LYN: variants seen among roughly 807,000 people sequenced by gnomAD.
LYN encodes LYN proto-oncogene, Src family tyrosine kinase.
Under a neutral mutation model 65.0 loss-of-function variants are expected in LYN, and 12 were observed. The observed-to-expected ratio is 0.18, with a 90% confidence interval of 0.12 to 0.30. The LOEUF (loss-of-function observed/expected upper bound fraction) is 0.30, where lower values mean the gene tolerates loss of function less well. Ranked by LOEUF, LYN falls within the 10% of genes least tolerant of loss-of-function variation. The pLI, the probability that LYN is intolerant of heterozygous loss-of-function variation, is 1.00. For missense variants in LYN, 380 were observed against 623.2 expected (o/e 0.61, Z 4.16); for synonymous variants, 222 against 221.2 (o/e 1.00, Z -0.03).
chr8:55,910,719 A>G (rs1213795695), intron 1 of LYN, among the ~76,000 whole-genome samples: 1 of 151,906 alleles, frequency 6.6e-6, no homozygotes, highest in Non-Finnish European at 1.5e-5. Flanking sequence ...AATTTTATGT[A>G]TTTTCTTCCC....
At chr8:55,951,274 G>C (rs372722695) in intron 6 of LYN, among the ~76,000 whole-genome samples, 6 of 151,894 alleles carry the variant, frequency 4.0e-5, no homozygotes, top group Non-Finnish European at 8.8e-5. Context: ...GAAAAGAAAA[G>C]TACTGTAGAA....
rs141926209 is a variant in LYN, at chr8:55,891,485, A to G, written c.-6+11382A>G. ...TCCACTAATGTGAGGTTCCTCAAAT[A>G]GTCAAATTCATAGAGACAGAAAATA... On this transcript the variant is annotated intron_variant, in intron 1 of 12. Transcript: ENST00000519728. Among the ~76,000 whole-genome samples, 575 of 152,332 alleles carry G rather than the reference A, an allele frequency of 3.8e-3. 3 individuals are homozygous for G. Among genetic ancestry groups the G allele is most frequent in the African/African-American group, 0.013 (533 of 41,580 alleles).
At chr8:55,899,798 C>T (rs1176234794) in intron 1 of LYN, among the ~76,000 whole-genome samples, 3 of 152,152 alleles carry the variant, frequency 2.0e-5, no homozygotes, top group Admixed American at 6.6e-5. Context: ...TGCAGGCACA[C>T]GCCACCATGC....
At chr8:55,886,631 G>T (rs1177538671) in intron 1 of LYN, among the ~76,000 whole-genome samples, 1 of 152,174 alleles carries the variant, frequency 6.6e-6, no homozygotes, top group Non-Finnish European at 1.5e-5. Context: ...AAACAAAATA[G>T]AAAAAGGAAA....
In LYN at chr8:55,950,384, A is replaced by C. The variant is rs1335339842; in HGVS notation, c.285-75A>C. 6.6e-6 allele frequency: 6 copies of C among 906,192 alleles called. No individual in the cohort carries two copies. In the African/African-American group the frequency reaches 6.7e-5, roughly 10 times the overall value. 56.1% of individuals were successfully genotyped at this position (906,192 alleles called of 1,614,324 possible). A position where few individuals can be genotyped will look rare whatever the true frequency, so the allele number is the denominator to read the frequency against. ...CTGTACATAAATACATATTTATGGGATATCTGTGATATTTTGATACATGCA... is the reference window on the plus strand; with the variant it reads ...CTGTACATAAATACATATTTATGGGCTATCTGTGATATTTTGATACATGCA... On this transcript the variant is annotated intron_variant, in intron 4 of 12. Coordinates refer to ENST00000519728, the MANE Select transcript of LYN (RefSeq NM_002350.4).
rs1436240812 is a variant in LYN at position 55,907,913 on chromosome 8, A to T, written c.-6+27810A>T. ...AATAAATAAATAAATACAAATTTTT[A>T]AAAATGTATATCTAAATAAGAGACA... On this transcript the variant is annotated intron_variant, in intron 1 of 12. Transcript: ENST00000519728. Among the ~76,000 whole-genome samples the T allele has an allele frequency of 2.6e-5, 4 of 152,138 alleles. No individual in the cohort carries two copies. In the South Asian group the frequency reaches 6.2e-4, roughly 24 times the overall value.
rs543231166 is a variant in LYN at position 55,887,659 on chromosome 8, G to T, written c.-6+7556G>T. On this transcript the variant is annotated intron_variant, in intron 1 of 12. Coordinates refer to ENST00000519728, the MANE Select transcript of LYN (RefSeq NM_002350.4). ...GAGTCTTGCTCTGTCACCCAGGCTG[G>T]ACTGTGATGGTGTGATCTCGGCTCA... is the stretch of plus-strand genomic sequence containing the variant. Among the ~76,000 whole-genome samples, 60 of 150,402 alleles carry T rather than the reference G, an allele frequency of 4.0e-4. 1 individual carries two copies. Among genetic ancestry groups the T allele is most frequent in the African/African-American group, 1.3e-3 (54 of 40,790 alleles).
intron 9 of LYN, among the ~76,000 whole-genome samples, chr8:55,967,266 C>T (rs1420389262): frequency 6.7e-6 from 1 of 148,780 alleles, no homozygotes; most frequent in Non-Finnish European, 1.5e-5. Flanking sequence ...TCTAATACTA[C>T]AGATTTAGTA....
intron 1 of LYN, among the ~76,000 whole-genome samples, chr8:55,889,487 C>T (rs1337391722): frequency 6.6e-6 from 1 of 152,144 alleles, no homozygotes; most frequent in Non-Finnish European, 1.5e-5. Context: ...GGATTACAGG[C>T]GTGAGCCACC....
chr8:55,941,928 A>G lies in LYN; in HGVS notation c.69A>G (p.Pro23=). 1 of 1,612,720 alleles carries G rather than the reference A, an allele frequency of 6.2e-7. No individual in the cohort carries two copies. The highest frequency in any genetic ancestry group is 8.5e-7 in the Non-Finnish European group (1 of 1,178,862). The part of the protein sequence containing the change: ...SDDGVDLKTQ[P]VRNTERTIYV... ...ATGGAGTAGATTTGAAGACTCAACC[A>G]GTACGTAATACTGAAAGAACTATTT... The change falls in exon 2 of 13, where the codon CCA becomes CCG. Residue 23 remains proline (P), a synonymous_variant. Transcript: ENST00000519728.
intron 1 of LYN, among the ~76,000 whole-genome samples, chr8:55,923,527 T>G (rs1486122922): frequency 6.6e-6 from 1 of 152,106 alleles, no homozygotes; most frequent in Non-Finnish European, 1.5e-5. Flanking sequence ...TTTCAGTTAG[T>G]GAATATTTAG....
chr8:55,916,710 T>G (rs1028673523), intron 1 of LYN, among the ~76,000 whole-genome samples: 1 of 152,200 alleles, frequency 6.6e-6, no homozygotes, highest in Non-Finnish European at 1.5e-5. Context: ...ACTGGAAATG[T>G]GTGTGGCAAT....
In LYN at chr8:55,950,542, C is replaced by T. The variant is rs1472321274; in HGVS notation, c.368C>T (p.Thr123Ile). The stretch of plus-strand genomic sequence containing the variant: ...AGCAACTATGTGGCCAAACTCAACA[C>T]CTTAGAAACAGAAGAGTGAGTCCTC... ...IPSNYVAKLNTLETEEWFFKD... is the reference protein window; with the variant it reads ...IPSNYVAKLNILETEEWFFKD... Residue 123 changes from threonine (T) to isoleucine (I), a missense_variant, in exon 5 of 13, where the codon ACC (threonine) becomes ATC (isoleucine). Physicochemically the swap from Thr to Ile is moderately conservative, Grantham distance 89. Around this residue, in one of 2 missense-constraint regions of LYN, gnomAD observed 157 missense variants for 193.2 expected, o/e 0.81. Transcript: ENST00000519728. 1 of 1,613,650 alleles carries T rather than the reference C, an allele frequency of 6.2e-7. No homozygotes were observed. The highest frequency in any genetic ancestry group is 1.1e-5 in the South Asian group (1 of 90,928).
At chr8:55,998,555 G>A in intron 11 of LYN, 56 bp downstream of exon 11, 1 of 1,550,278 alleles carries the variant, frequency 6.5e-7, no homozygotes, top group Non-Finnish European at 8.9e-7. Context: ...TTTTGTTTTT[G>A]TCTGTTTTTG....
At position 55,951,954 on chromosome 8, in the gene LYN, T is replaced by A; in HGVS notation, c.488-12T>A. 2 of 1,608,296 alleles carry A rather than the reference T, an allele frequency of 1.2e-6. No homozygotes were observed. The highest frequency in any genetic ancestry group is 1.7e-6 in the Non-Finnish European group (2 of 1,178,060). On this transcript the variant is annotated splice_polypyrimidine_tract_variant and intron_variant, in intron 6 of 12. Transcript: ENST00000519728. Reference sequence around the variant, plus strand: ...GAGATATAAACATTTACTTACACTTTTCCCCCCATAGGAAGCTTCTCTCTG... The same window carrying A: ...GAGATATAAACATTTACTTACACTTATCCCCCCATAGGAAGCTTCTCTCTG...
chr8:55,942,108 C>T (rs1325132330), intron 2 of LYN, 117 bp downstream of exon 2: 15 of 1,056,554 alleles, frequency 1.4e-5, no homozygotes, highest in East Asian at 2.7e-5. Flanking sequence ...ACTTGGTCCT[C>T]AAATAATTTT....
chr8:55,938,685 T>A lies in LYN; in HGVS notation c.-5-3170T>A, dbSNP rs1285279725. Among the ~76,000 whole-genome samples, 5 of 152,228 alleles carry A rather than the reference T, an allele frequency of 3.3e-5. No individual in the cohort carries two copies. The East Asian group carries it at 9.6e-4, about 29-fold the overall frequency. ...CTTTTGTGGTAAAACATTTTAAAGC[T>A]TTTTTTCTCTGAGAAAGAGGTAGCC... On this transcript the variant is annotated intron_variant, in intron 1 of 12. Coordinates refer to ENST00000519728, the MANE Select transcript of LYN (RefSeq NM_002350.4).
At chr8:55,949,822 T>G (rs751125035) in intron 4 of LYN, among the ~76,000 whole-genome samples, 1 of 152,190 alleles carries the variant, frequency 6.6e-6, no homozygotes, top group Non-Finnish European at 1.5e-5. Flanking sequence ...ATTCAGTGAT[T>G]TTTTTAGTAT....
intron 1 of LYN, among the ~76,000 whole-genome samples, chr8:55,924,189 G>A (rs1166736368): frequency 1.1e-4 from 17 of 151,902 alleles, no homozygotes; most frequent in African/African-American, 4.1e-4. Flanking sequence ...CTCTCACGAT[G>A]TGTGAGAGAT....
Sources: allele counts gnomAD v4.1 joint callset (sites outside exome capture counted in the v4.1 genomes callset), GRCh38; gene constraint gnomAD v4.1.1; regional missense constraint gnomAD v4.1.1; transcripts MANE v1.5; gene names NCBI Gene and HGNC (gene_info 2026-07-23, HGNC 2026-07-21).